AFTPH: variants seen among roughly 807,000 people sequenced by gnomAD.
AFTPH encodes aftiphilin, also known as aftiphilin protein.
In AFTPH, 7 loss-of-function variants were observed where a neutral mutation model predicts 72.5. The ratio of observed to expected loss-of-function variants is 0.10; its 90% CI spans 0.05 to 0.18. The LOEUF is 0.18. AFTPH is among the 10% of genes least tolerant of loss of function. The probability of loss-of-function intolerance (pLI) is 1.00; values close to 1 mark genes in which losing one functional copy is unlikely to be tolerated. For missense variants in AFTPH, 979 were observed against 1,060.5 expected, an observed-to-expected ratio of 0.92 and a Z score of 1.07; for synonymous variants, 337 against 370.1, an observed-to-expected ratio of 0.91 and a Z score of 1.03.
exon 2 of AFTPH, chr2:64,552,832 A>T (rs1240424460): frequency 1.2e-6 from 2 of 1,614,110 alleles, no homozygotes; most frequent in Non-Finnish European, 1.7e-6. Context: ...ACTGGTACTC[A>T]AGATTCAATG....
intron 1 of AFTPH, chr2:64,525,365 GTTTTTTTT>G (rs913088724): frequency 6.5e-6 from 1 of 153,236 alleles, no homozygotes; most frequent in Admixed American, 6.6e-5. Context: ...GGATAGCAAG[GTTTTTTTT>G]TCCTTGTTGC....
chr2:64,584,546 G>A (rs1485697603), intron 7 of AFTPH, among the ~76,000 whole-genome samples: 12 of 150,368 alleles, frequency 8.0e-5, no homozygotes. Flanking sequence ...CCTCTAACCT[G>A]AAGAAAGAGC....
chr2:64,528,369 A>G (rs1489601416), intron 1 of AFTPH, among the ~76,000 whole-genome samples: 3 of 152,310 alleles, frequency 2.0e-5, no homozygotes, highest in East Asian at 3.9e-4. Flanking sequence ...ATGAGCAAAC[A>G]AGAAAAAAAA....
intron 1 of AFTPH, among the ~76,000 whole-genome samples, chr2:64,529,316 T>A (rs1669462293): frequency 2.3e-5 from 1 of 43,018 alleles, no homozygotes; most frequent in African/African-American, 2.7e-4. Flanking sequence ...CTTTTTGAAG[T>A]TTTTTTTTTT....
At chr2:64,537,160 T>C (rs1170785788) in intron 1 of AFTPH, among the ~76,000 whole-genome samples, 1 of 152,104 alleles carries the variant, frequency 6.6e-6, no homozygotes, top group Non-Finnish European at 1.5e-5. Flanking sequence ...CTGGAATCAA[T>C]ACTTTGTGGA....
At chr2:64,531,079 AAAC>A (rs566025340) in intron 1 of AFTPH, among the ~76,000 whole-genome samples, 2,998 of 150,230 alleles carry the variant, frequency 0.02, 77 homozygotes, top group East Asian at 0.086. Context: ...AAAAAAAAAA[AAAC>A]ACCACAAAAT....
chr2:64,553,443 A>T, intron 2 of AFTPH, 34 bp downstream of exon 2: 1 of 1,518,912 alleles, frequency 6.6e-7, no homozygotes, highest in Non-Finnish European at 8.8e-7. Flanking sequence ...TGTATGATGT[A>T]TTAATTGTTG....
chr2:64,577,283 A>G (rs1395934112), intron 6 of AFTPH, among the ~76,000 whole-genome samples: 2 of 152,132 alleles, frequency 1.3e-5, no homozygotes, highest in African/African-American at 2.4e-5. Context: ...CTGAGTTTCC[A>G]TACTTGTATA....
intron 6 of AFTPH, among the ~76,000 whole-genome samples, chr2:64,573,412 A>C (rs1007875228): frequency 1.1e-4 from 17 of 150,446 alleles, no homozygotes; most frequent in Admixed American, 4.0e-4. Flanking sequence ...TACTGACACA[A>C]ATCTGGTAAG....
intron 6 of AFTPH, among the ~76,000 whole-genome samples, chr2:64,574,028 T>A (rs1672622831): frequency 6.6e-6 from 1 of 152,188 alleles, no homozygotes; most frequent in South Asian, 2.1e-4. Context: ...CAGACTAATA[T>A]GTTAATATAA....
chr2:64,546,674 C>T (rs1670647078), intron 1 of AFTPH, among the ~76,000 whole-genome samples: 1 of 151,964 alleles, frequency 6.6e-6, no homozygotes, highest in Non-Finnish European at 1.5e-5. Context: ...CCTGATGCCC[C>T]ATCACTACCA....
chr2:64,552,010 T>C (rs1224767509), exon 2 of AFTPH: 1 of 1,613,932 alleles, frequency 6.2e-7, no homozygotes, highest in Non-Finnish European at 8.5e-7. Flanking sequence ...CCTCCTTGTC[T>C]GGAGATTCTA....
chr2:64,585,589 A>G lies in AFTPH; in HGVS notation c.2579+44A>G, dbSNP rs370514128. ...TTATACCCACATTTTGAATTCTGAG[A>G]TAAAACGACCCAAAGGAAAAAGCAT... On this transcript the variant is annotated intron_variant, in intron 8 of 8. Transcript: ENST00000238856. 5.6e-5 allele frequency: 87 copies of G among 1,563,986 alleles called. No homozygotes were observed. In the African/African-American group the frequency reaches 1.0e-3, roughly 18 times the overall value.
chr2:64,578,565 T>A (rs902262960), intron 6 of AFTPH, among the ~76,000 whole-genome samples: 4 of 152,090 alleles, frequency 2.6e-5, no homozygotes, highest in Admixed American at 2.0e-4. Context: ...TGAATTTTTT[T>A]TTTTTTTTTT....
chr2:64,536,385 G>C (rs1474244879), intron 1 of AFTPH, among the ~76,000 whole-genome samples: 1 of 151,892 alleles, frequency 6.6e-6, no homozygotes, highest in African/African-American at 2.4e-5. Context: ...TGGCCAACAT[G>C]GTGAAACCGC....
At chr2:64,541,440 C>T (rs571101730) in intron 1 of AFTPH, among the ~76,000 whole-genome samples, 25 of 151,840 alleles carry the variant, frequency 1.6e-4, no homozygotes, top group African/African-American at 6.0e-4. Flanking sequence ...AAAAAACACC[C>T]AAAAAGAAAA....
At chr2:64,555,555 T>TCTCACACA (rs1188984989) in intron 2 of AFTPH, among the ~76,000 whole-genome samples, 18 of 140,870 alleles carry the variant, frequency 1.3e-4, no homozygotes, top group African/African-American at 4.5e-4. Context: ...AGAGAGACTG[T>TCTCACACA]CACACACACA....
At chr2:64,587,832 T>C (rs573343058) in intron 8 of AFTPH, among the ~76,000 whole-genome samples, 1 of 152,348 alleles carries the variant, frequency 6.6e-6, no homozygotes, top group South Asian at 2.1e-4. Context: ...TGCCTAACTT[T>C]CCTAATATGG....
chr2:64,531,212 G>GTA (rs957312136), intron 1 of AFTPH, among the ~76,000 whole-genome samples: 26 of 152,160 alleles, frequency 1.7e-4, no homozygotes, highest in African/African-American at 6.3e-4. Context: ...TGGTGAAAAA[G>GTA]TTTGTACATA....
Sources: gnomAD v4.1 joint callset for allele counts (sites outside exome capture counted in the v4.1 genomes callset) on GRCh38, gnomAD v4.1.1 for gene constraint, MANE v1.5 for transcripts, NCBI Gene and HGNC (gene_info 2026-07-23, HGNC 2026-07-21) for gene names.